The following THNSL1 variants were observed in gnomAD, a reference collection of about 807,000 sequenced individuals.
THNSL1 encodes threonine synthase like 1.
A neutral mutation model predicts 50.4 loss-of-function variants in THNSL1; 48 were observed. The observed-to-expected ratio is 0.95, with a 90% CI of 0.76 to 1.21. The LOEUF (loss-of-function observed/expected upper bound fraction) is 1.21. THNSL1 is among the 50% of genes most tolerant of loss of function. The pLI is 0.00. For synonymous variants in THNSL1, 309 were observed against 306.1 expected (o/e 1.01, Z -0.10); for missense variants, 896 against 871.7 (o/e 1.03, Z -0.35).
chr10:25,013,549 A>G (rs1708971994), upstream of THNSL1, among the ~76,000 whole-genome samples: 1 of 152,206 alleles, frequency 6.6e-6, no homozygotes, highest in African/African-American at 2.4e-5. Context: ...TGGAAAGGAG[A>G]TAATGGTTTC....
At chr10:25,006,601 T>C in the THNSL1 span, among the ~76,000 whole-genome samples, 1 of 152,208 alleles carries the variant, frequency 6.6e-6, no homozygotes, top group Admixed American at 6.5e-5. Flanking sequence ...CTACCTTACT[T>C]TTCTATCATA....
chr10:24,968,871 A>G, the THNSL1 span, among the ~76,000 whole-genome samples: 1 of 152,250 alleles, frequency 6.6e-6, no homozygotes, highest in African/African-American at 2.4e-5. Flanking sequence ...TATTTTCCCA[A>G]CTATTGCATT....
chr10:24,960,861 A>T, the THNSL1 span, among the ~76,000 whole-genome samples: 1 of 152,026 alleles, frequency 6.6e-6, no homozygotes, highest in Non-Finnish European at 1.5e-5. Context: ...AAGTGCTAGG[A>T]TTATAGACAT....
Position 25,023,997 on chromosome 10 carries a change from G to T in THNSL1, c.774G>T (p.Gly258=), listed in dbSNP as rs147479093. 36 of 1,614,070 alleles carry T rather than the reference G, an allele frequency of 2.2e-5. No individual in the cohort carries two copies. Among genetic ancestry groups the T allele is most frequent in the Non-Finnish European group, 3.0e-5 (35 of 1,180,010 alleles). The change falls in exon 3 of 3, where the codon GGG becomes GGT. Residue 258 remains glycine, a synonymous_variant. Transcript: ENST00000376356. ...AKFFSEAVIE[G]LASDGGLFVP... is the part of the protein sequence containing the mutation. ...TCTTTAGTGAAGCTGTAATTGAGGGGTTGGCTTCTGATGGTGGCCTCTTTG... is the reference window on the plus strand; with the variant it reads ...TCTTTAGTGAAGCTGTAATTGAGGGTTTGGCTTCTGATGGTGGCCTCTTTG...
the THNSL1 span, among the ~76,000 whole-genome samples, chr10:24,994,160 T>A: frequency 6.6e-6 from 1 of 152,180 alleles, no homozygotes; most frequent in African/African-American, 2.4e-5. Flanking sequence ...GGTAGATCAC[T>A]GGACTCTTCA....
chr10:25,021,678 C>T (rs1012725458), intron 1 of THNSL1, 64 bp from the exon 2 acceptor site: 1 of 152,072 alleles, frequency 6.6e-6, no homozygotes, highest in African/African-American at 2.4e-5. Flanking sequence ...ATAGACTAGT[C>T]TATGTGTAGA....
the THNSL1 span, among the ~76,000 whole-genome samples, chr10:25,007,236 TAACCGA>T: frequency 6.6e-6 from 1 of 152,170 alleles, no homozygotes; most frequent in Non-Finnish European, 1.5e-5. Context: ...CCTTGTTCTG[TAACCGA>T]ATAATCTAAA....
the THNSL1 span, among the ~76,000 whole-genome samples, chr10:25,010,769 T>G: frequency 7.0e-6 from 1 of 142,018 alleles, no homozygotes; most frequent in Non-Finnish European, 1.6e-5. Context: ...ACAAAGGACA[T>G]GAACTCATCA....
chr10:24,952,713 C>T, the THNSL1 span: 1 of 805,312 alleles, frequency 1.2e-6, no homozygotes, highest in South Asian at 1.9e-5. This position sits in a 1 kb window ranked among gnomAD's most constrained non-coding sequence, Gnocchi z 5.1. Flanking sequence ...CGCCCCGCCC[C>T]GGGCCCGCCG....
At position 25,025,527 on chromosome 10, in the gene THNSL1, A is replaced by G; in HGVS notation, c.*72A>G. 4 of 1,406,118 alleles carry G rather than the reference A, an allele frequency of 2.8e-6. No individual in the cohort carries two copies. The highest frequency in any genetic ancestry group is 3.9e-6 in the Non-Finnish European group (4 of 1,034,234). 87.1% of individuals were successfully genotyped at this position (1,406,118 alleles called of 1,614,324 possible). A position where few individuals can be genotyped will look rare whatever the true frequency, so the allele number is the denominator to read the frequency against. The stretch of plus-strand genomic sequence containing the variant: ...TAAATCTCAAACACTGATTTGGAGT[A>G]CAGTAGCATTTTGTCTTTTATGTAA... On this transcript the variant is annotated 3_prime_UTR_variant, in exon 3 of 3. Transcript: ENST00000376356.
intron 1 of THNSL1, among the ~76,000 whole-genome samples, chr10:25,019,699 C>CTTAA (rs991510841): frequency 9.9e-5 from 15 of 152,284 alleles, no homozygotes; most frequent in African/African-American, 3.6e-4. Context: ...AAAGTCAGTC[C>CTTAA]TATTAACTGC....
At chr10:25,021,079 C>T (rs1250562662) in intron 1 of THNSL1, among the ~76,000 whole-genome samples, 3 of 152,120 alleles carry the variant, frequency 2.0e-5, no homozygotes, top group East Asian at 1.9e-4. Flanking sequence ...GTGAACACCA[C>T]GGTATTCTCT....
the THNSL1 span, among the ~76,000 whole-genome samples, chr10:24,989,701 T>A: frequency 6.6e-6 from 1 of 152,372 alleles, no homozygotes; most frequent in East Asian, 1.9e-4. Flanking sequence ...TAACAGCATA[T>A]GAATCCATTT....
At chr10:24,968,719 G>C in the THNSL1 span, among the ~76,000 whole-genome samples, 4 of 152,194 alleles carry the variant, frequency 2.6e-5, no homozygotes, top group African/African-American at 9.7e-5. Context: ...ACTGTAGTGA[G>C]TTGAAAAAAG....
the THNSL1 span, among the ~76,000 whole-genome samples, chr10:24,996,689 A>C: frequency 1.1e-4 from 17 of 152,256 alleles, no homozygotes; most frequent in East Asian, 1.2e-3. Flanking sequence ...CTAAGGACTG[A>C]CTTTATTCAT....
chr10:25,014,618 A>T (rs144182797), upstream of THNSL1, among the ~76,000 whole-genome samples: 2 of 152,336 alleles, frequency 1.3e-5, no homozygotes, highest in South Asian at 2.1e-4. Flanking sequence ...TATTCTATAG[A>T]AATACAATCT....
the THNSL1 span, among the ~76,000 whole-genome samples, chr10:25,001,273 C>T: frequency 1.3e-5 from 2 of 151,312 alleles, no homozygotes; most frequent in African/African-American, 2.4e-5. Flanking sequence ...TTTTCTTCTT[C>T]TTCTATATAA....
chr10:24,989,435 G>A, the THNSL1 span, among the ~76,000 whole-genome samples: 11 of 152,110 alleles, frequency 7.2e-5, no homozygotes, highest in African/African-American at 2.4e-4. Context: ...ACATTTTCAG[G>A]CCCAGCTAAC....
chr10:25,017,284 A>T (rs1027006460), intron 1 of THNSL1, among the ~76,000 whole-genome samples: 3 of 152,136 alleles, frequency 2.0e-5, no homozygotes, highest in Admixed American at 1.3e-4. Flanking sequence ...TCACCCGTAA[A>T]TCTATGCACA....
Sources: allele counts gnomAD v4.1 joint callset (sites outside exome capture counted in the v4.1 genomes callset), GRCh38; gene constraint gnomAD v4.1.1; non-coding constraint Gnocchi (gnomAD v3.1); transcripts MANE v1.5; gene names NCBI Gene and HGNC (gene_info 2026-07-23, HGNC 2026-07-21).